Variants in HES4 observed in about 807,000 individuals in gnomAD.
HES4 encodes the protein hes family bHLH transcription factor 4.
A neutral mutation model predicts 10.7 loss-of-function variants in HES4; 17 were observed. The ratio of observed to expected loss-of-function variants is 1.59; its 90% CI spans 1.09 to 2.38. The LOEUF is 2.38. Ranked by LOEUF, HES4 falls within the 30% of genes most tolerant of loss-of-function variation. The pLI is 0.00. For missense variants in HES4, 389 were observed against 332.1 expected, an observed-to-expected ratio of 1.17 and a Z score of -1.33; for synonymous variants, 189 against 159.7, an observed-to-expected ratio of 1.18 and a Z score of -1.38.
At position 999,395 on chromosome 1, in the gene HES4, G is replaced by T; in HGVS notation, c.330C>A (p.Tyr110Ter). 6.6e-7 allele frequency: 1 copy of T among 1,515,340 alleles called. No individual in the cohort carries two copies. Among genetic ancestry groups the T allele is most frequent in the Non-Finnish European group, 8.7e-7 (1 of 1,144,940 alleles). The allele number at this position is 1,515,340 out of a possible 1,614,324, so 93.9% of individuals were successfully genotyped here. The change falls in exon 4 of 4, where the codon TAC becomes TAA. Residue 110 changes from tyrosine (Y) to a stop codon, truncating the protein, a stop_gained. Transcript: ENST00000304952. LOFTEE classifies it low-confidence loss of function (END_TRUNC). ...LSADPAVLGK[Y>*]RAGFHECLAE... is the part of the protein sequence containing the mutation. ...CCAGACACTCGTGGAAGCCGGCGCG[G>T]TACTTGCCCAGAACGGCGGGGTCGG...
Position 999,116 on chromosome 1 carries a change from G to A in HES4, c.609C>T (p.Ala203=). 2 of 1,215,034 alleles carry A rather than the reference G, an allele frequency of 1.6e-6. No individual in the cohort carries two copies. The highest frequency in any genetic ancestry group is 2.0e-6 in the Non-Finnish European group (2 of 977,384). 75.3% of individuals were successfully genotyped at this position (1,215,034 alleles called of 1,614,324 possible). A position where few individuals can be genotyped will look rare whatever the true frequency, so the allele number is the denominator to read the frequency against. The change falls in exon 4 of 4, where the codon GCC becomes GCT. Residue 203 remains alanine (A), a synonymous_variant. Coordinates refer to ENST00000304952, the MANE Select transcript of HES4 (RefSeq NM_021170.4). Reference sequence around the variant, plus strand: ...GGCCCTGCGGCCCCGCCCTGGGGGCGGCGGGCAGCGCCCGGGTCAGACCCG... The same window carrying A: ...GGCCCTGCGGCCCCGCCCTGGGGGCAGCGGGCAGCGCCCGGGTCAGACCCG... ...LLPGLTRALP[A]APRAGPQGPG...
Position 999,308 on chromosome 1 carries a change from C to A in HES4, c.417G>T (p.Leu139=). ...GCAGGCAGGCTGCCAGGTGGCCCAG[C>A]AGGCGGGAGCGCACGTCGGCCGGGA... The part of the protein sequence containing the change: ...EGVPADVRSR[L]LGHLAACLRQ... The change falls in exon 4 of 4, where the codon CTG becomes CTT. Residue 139 remains leucine (L), a synonymous_variant. Transcript: ENST00000304952. 6.8e-7 allele frequency: 1 copy of A among 1,472,884 alleles called. No homozygotes were observed. 91.2% of individuals were successfully genotyped at this position (1,472,884 alleles called of 1,614,324 possible).
rs542554318 is a variant in HES4 at position 999,003 on chromosome 1, A to G, written c.*56T>C. ...CGTTTTCTCTGCTACAGTCTCGGCA[A>G]AGGCCACGGCCCTAGAACGGGGCGC... On this transcript the variant is annotated 3_prime_UTR_variant, in exon 4 of 4. Coordinates refer to ENST00000304952, the MANE Select transcript of HES4 (RefSeq NM_021170.4). 1.4e-4 allele frequency: 169 copies of G among 1,247,304 alleles called. No individual in the cohort carries two copies. In the African/African-American group the frequency reaches 2.4e-3, roughly 18 times the overall value. The allele number at this position is 1,247,304 out of a possible 1,614,324, so 77.3% of individuals were successfully genotyped here.
At position 999,163 on chromosome 1, in the gene HES4, G is replaced by C; in HGVS notation, c.562C>G (p.Leu188Val). 1 of 1,241,174 alleles carries C rather than the reference G, an allele frequency of 8.1e-7. No individual in the cohort carries two copies. Among genetic ancestry groups the C allele is most frequent in the Non-Finnish European group, 1.0e-6 (1 of 995,476 alleles). 76.9% of individuals were successfully genotyped at this position (1,241,174 alleles called of 1,614,324 possible). Residue 188 changes from leucine (L) to valine (V), a missense_variant, in exon 4 of 4, where the codon CTG becomes GTG. By Grantham distance (32) the Leu-to-Val change is conservative. Transcript: ENST00000304952. Reference sequence around the variant, plus strand: ...CCCGGCAGCAGCGGCGGCGCGAGCAGAGGGAAGGGGCCGCCGAGCGATGGC... The same window carrying C: ...CCCGGCAGCAGCGGCGGCGCGAGCACAGGGAAGGGGCCGCCGAGCGATGGC... The part of the protein sequence containing the change: ...LLPSLGGPFP[L>V]LAPPLLPGLT...
chr1:999,108 C>G lies in HES4; in HGVS notation c.617G>C (p.Arg206Thr), dbSNP rs746659312. Residue 206 changes from arginine to threonine, a missense_variant, in exon 4 of 4, where the codon AGG becomes ACG. Arg to Thr is a moderately conservative substitution (Grantham distance 71, BLOSUM62 -1). Coordinates refer to ENST00000304952, the MANE Select transcript of HES4 (RefSeq NM_021170.4). ...CCCACCCGGGCCCTGCGGCCCCGCC[C>G]TGGGGGCGGCGGGCAGCGCCCGGGT... is the stretch of plus-strand genomic sequence containing the variant. Reference protein sequence around the residue: ...GLTRALPAAPRAGPQGPGGPW... With the variant: ...GLTRALPAAPTAGPQGPGGPW... 8.2e-4 allele frequency: 996 copies of G among 1,217,458 alleles called. 1 individual carries two copies. The highest frequency in any genetic ancestry group is 9.4e-4 in the Non-Finnish European group (921 of 978,730). 75.4% of individuals were successfully genotyped at this position (1,217,458 alleles called of 1,614,324 possible).
rs1557668155 is a variant in HES4 at position 999,603 on chromosome 1, T to G, written c.215A>C (p.His72Pro). Reference sequence around the variant, plus strand: ...GATGTCCGCCTTCTCCAGCTTCGAGTGGCGGGAGCTCTGGGGGCGGGGATA... The same window carrying G: ...GATGTCCGCCTTCTCCAGCTTCGAGGGGCGGGAGCTCTGGGGGCGGGGATA... ...LDALRKESSRHSKLEKADILE... is the reference protein window; with the variant it reads ...LDALRKESSRPSKLEKADILE... The change falls in exon 3 of 4, where the codon CAC becomes CCC. Residue 72 changes from histidine (H) to proline (P), a missense_variant. Physicochemically the swap from His to Pro is moderately conservative, Grantham distance 77 (BLOSUM62 -2). Transcript: ENST00000304952. The G allele has an allele frequency of 1.9e-6, 3 of 1,607,506 alleles. No homozygotes were observed. The highest frequency in any genetic ancestry group is 2.5e-6 in the Non-Finnish European group (3 of 1,177,944).
In HES4 at chr1:999,278, C is replaced by T; in HGVS notation, c.447G>A (p.Gln149=). The T allele has an allele frequency of 4.8e-6, 7 of 1,452,812 alleles. No individual in the cohort carries two copies. The highest frequency in any genetic ancestry group is 6.3e-6 in the Non-Finnish European group (7 of 1,107,534). 90.0% of individuals were successfully genotyped at this position (1,452,812 alleles called of 1,614,324 possible). A position where few individuals can be genotyped will look rare whatever the true frequency, so the allele number is the denominator to read the frequency against. The change falls in exon 4 of 4, where the codon CAG becomes CAA. Residue 149 remains glutamine, a synonymous_variant. Transcript: ENST00000304952. ...LLGHLAACLR[Q]LGPSRRPASL... is the part of the protein sequence containing the mutation. The stretch of plus-strand genomic sequence containing the variant: ...AGGCCGGGCGGCGGGAGGGTCCCAG[C>T]TGGCGCAGGCAGGCTGCCAGGTGGC...
rs756297814 is a variant in HES4, at chr1:999,599, C to T, written c.219G>A (p.Ser73=). The T allele has an allele frequency of 2.5e-6, 4 of 1,608,946 alleles. No individual in the cohort carries two copies. Among genetic ancestry groups the T allele is most frequent in the Non-Finnish European group, 2.5e-6 (3 of 1,178,386 alleles). Residue 73 remains serine, a synonymous_variant, in exon 3 of 4, where the codon TCG becomes TCA. Coordinates refer to ENST00000304952, the MANE Select transcript of HES4 (RefSeq NM_021170.4). The part of the protein sequence containing the change: ...DALRKESSRH[S]KLEKADILEM... The stretch of plus-strand genomic sequence containing the variant: ...CCAGGATGTCCGCCTTCTCCAGCTT[C>T]GAGTGGCGGGAGCTCTGGGGGCGGG...
At position 998,987 on chromosome 1, in the gene HES4, T is replaced by C. The variant is rs972094085; in HGVS notation, c.*72A>G. The C allele has an allele frequency of 7.7e-5, 91 of 1,188,068 alleles. No homozygotes were observed. The highest frequency in any genetic ancestry group is 9.4e-5 in the Non-Finnish European group (88 of 935,882). The allele number at this position is 1,188,068 out of a possible 1,614,324, so 73.6% of individuals were successfully genotyped here. On this transcript the variant is annotated 3_prime_UTR_variant, in exon 4 of 4. Coordinates refer to ENST00000304952, the MANE Select transcript of HES4 (RefSeq NM_021170.4). The stretch of plus-strand genomic sequence containing the variant: ...TCTGGAATAATAAATACGTTTTCTC[T>C]GCTACAGTCTCGGCAAAGGCCACGG...
chr1:1,000,013 G>T lies in HES4; in HGVS notation c.-40C>A. ...CTCCCCGTGCCGGGTGGAGCGCGCC[G>T]CCACGGACCACGGGCGGGCTGGCGG... On this transcript the variant is annotated 5_prime_UTR_variant, in exon 1 of 4. Coordinates refer to ENST00000304952, the MANE Select transcript of HES4 (RefSeq NM_021170.4). The T allele has an allele frequency of 7.6e-7, 1 of 1,314,478 alleles. No individual in the cohort carries two copies. The highest frequency in any genetic ancestry group is 9.6e-7 in the Non-Finnish European group (1 of 1,037,014). The allele number at this position is 1,314,478 out of a possible 1,614,324, so 81.4% of individuals were successfully genotyped here. A position where few individuals can be genotyped will look rare whatever the true frequency, so the allele number is the denominator to read the frequency against.
rs1211855124 is a variant in HES4 at position 999,692 on chromosome 1, C to T, written c.204G>A (p.Glu68=). The change falls in exon 2 of 4, where the codon GAG becomes GAA. Residue 68 remains glutamate (E), a splice_region_variant and synonymous_variant. Transcript: ENST00000304952. ...TCTCGGGCCTTCGCCCCCGACTTAC[C>T]TCTTTTCTGAGGGCGTCCAGGATGA... The part of the protein sequence containing the change: ...KTLILDALRK[E]SSRHSKLEKA... The T allele has an allele frequency of 3.7e-6, 6 of 1,611,582 alleles. No homozygotes were observed. The African/African-American group carries it at 4.0e-5, about 11-fold the overall frequency.
Position 1,000,044 on chromosome 1 carries a change from C to T in HES4, c.-71G>A. 7 of 1,173,250 alleles carry T rather than the reference C, an allele frequency of 6.0e-6. No individual in the cohort carries two copies. The highest frequency in any genetic ancestry group is 7.4e-6 in the Non-Finnish European group (7 of 949,240). 72.7% of individuals were successfully genotyped at this position (1,173,250 alleles called of 1,614,324 possible). ...GACCACGGGCGGGCTGGCGGGCGAG[C>T]GGCGAGCGCGCGGCGATCCGAGCCC... is the stretch of plus-strand genomic sequence containing the variant. On this transcript the variant is annotated 5_prime_UTR_variant, in exon 1 of 4. Transcript: ENST00000304952.
chr1:1,000,013 G>A lies in HES4; in HGVS notation c.-40C>T, dbSNP rs1194229032. 2.3e-6 allele frequency: 3 copies of A among 1,314,366 alleles called. No homozygotes were observed. Among genetic ancestry groups the A allele is most frequent in the South Asian group, 2.1e-5 (1 of 48,766 alleles). 81.4% of individuals were successfully genotyped at this position (1,314,366 alleles called of 1,614,324 possible). Reference sequence around the variant, plus strand: ...CTCCCCGTGCCGGGTGGAGCGCGCCGCCACGGACCACGGGCGGGCTGGCGG... The same window carrying A: ...CTCCCCGTGCCGGGTGGAGCGCGCCACCACGGACCACGGGCGGGCTGGCGG... On this transcript the variant is annotated 5_prime_UTR_variant, in exon 1 of 4. Transcript: ENST00000304952.
Position 999,075 on chromosome 1 carries a change from C to T in HES4, c.650G>A (p.Arg217Lys), listed in dbSNP as rs546578988. Residue 217 changes from arginine to lysine, a missense_variant, in exon 4 of 4, where the codon AGG becomes AAG. By Grantham distance (26) the Arg-to-Lys change is conservative. Transcript: ENST00000304952. ...GCCACAGCCTCAGCGCAGCCACGGC[C>T]TCCAGGGCCCACCCGGGCCCTGCGG... ...AGPQGPGGPW[R>K]PWLR 3.2e-6 allele frequency: 4 copies of T among 1,252,202 alleles called. No individual in the cohort carries two copies. The South Asian group carries it at 1.4e-4, about 45-fold the overall frequency. 77.6% of individuals were successfully genotyped at this position (1,252,202 alleles called of 1,614,324 possible).
In HES4 at chr1:998,978, C is replaced by T; in HGVS notation, c.*81G>A. The T allele has an allele frequency of 8.7e-7, 1 of 1,150,592 alleles. No individual in the cohort carries two copies. Among genetic ancestry groups the T allele is most frequent in the Admixed American group, 3.3e-5 (1 of 30,442 alleles). 71.3% of individuals were successfully genotyped at this position (1,150,592 alleles called of 1,614,324 possible). A position where few individuals can be genotyped will look rare whatever the true frequency, so the allele number is the denominator to read the frequency against. ...GACGCAGACTCTGGAATAATAAATACGTTTTCTCTGCTACAGTCTCGGCAA... is the reference window on the plus strand; with the variant it reads ...GACGCAGACTCTGGAATAATAAATATGTTTTCTCTGCTACAGTCTCGGCAA... On this transcript the variant is annotated 3_prime_UTR_variant, in exon 4 of 4. Coordinates refer to ENST00000304952, the MANE Select transcript of HES4 (RefSeq NM_021170.4).
At position 1,000,081 on chromosome 1, in the gene HES4, C is replaced by G. The variant is rs1432470635; in HGVS notation, c.-108G>C. 3 of 949,288 alleles carry G rather than the reference C, an allele frequency of 3.2e-6. No individual in the cohort carries two copies. The highest frequency in any genetic ancestry group is 3.4e-5 in the African/African-American group (2 of 57,978). The allele number at this position is 949,288 out of a possible 1,614,324, so 58.8% of individuals were successfully genotyped here. A position where few individuals can be genotyped will look rare whatever the true frequency, so the allele number is the denominator to read the frequency against. The stretch of plus-strand genomic sequence containing the variant: ...GGCGATCCGAGCCCCTAGGGCGGAT[C>G]CCGGCTCCAGGCCCGCGCGCGCCTC... On this transcript the variant is annotated 5_prime_UTR_variant, in exon 1 of 4. Coordinates refer to ENST00000304952, the MANE Select transcript of HES4 (RefSeq NM_021170.4).
chr1:1,000,035 G>C lies in HES4; in HGVS notation c.-62C>G. ...GCCGCCACGGACCACGGGCGGGCTG[G>C]CGGGCGAGCGGCGAGCGCGCGGCGA... On this transcript the variant is annotated 5_prime_UTR_variant, in exon 1 of 4. Coordinates refer to ENST00000304952, the MANE Select transcript of HES4 (RefSeq NM_021170.4). 1 of 1,195,994 alleles carries C rather than the reference G, an allele frequency of 8.4e-7. No individual in the cohort carries two copies. Among genetic ancestry groups the C allele is most frequent in the Non-Finnish European group, 1.0e-6 (1 of 966,282 alleles). 74.1% of individuals were successfully genotyped at this position (1,195,994 alleles called of 1,614,324 possible). A position where few individuals can be genotyped will look rare whatever the true frequency, so the allele number is the denominator to read the frequency against.
rs772466156 is a variant in HES4, at chr1:999,813, C to T, written c.109-26G>A. The T allele has an allele frequency of 1.5e-5, 24 of 1,606,982 alleles. No individual in the cohort carries two copies. Among genetic ancestry groups the T allele is most frequent in the South Asian group, 6.6e-5 (6 of 90,300 alleles). ...CTGCGGGTCGGGCACCGGCTGAGTC[C>T]CGCGTCCCTCCCGCCCCCCGGTCGC... On this transcript the variant is annotated intron_variant, in intron 1 of 3. Transcript: ENST00000304952.
chr1:999,428 C>T lies in HES4; in HGVS notation c.297G>A (p.Ala99=), dbSNP rs1372782258. 1.3e-6 allele frequency: 2 copies of T among 1,504,794 alleles called. No homozygotes were observed. Among genetic ancestry groups the T allele is most frequent in the African/African-American group, 1.4e-5 (1 of 69,288 alleles). 93.2% of individuals were successfully genotyped at this position (1,504,794 alleles called of 1,614,324 possible). Residue 99 remains alanine, a synonymous_variant, in exon 4 of 4, where the codon GCG becomes GCA. Coordinates refer to ENST00000304952, the MANE Select transcript of HES4 (RefSeq NM_021170.4). ...CCAGAACGGCGGGGTCGGCGCTGAG[C>T]GCGGCTGCGGGAGCGACACAGGAGG... The part of the protein sequence containing the change: ...RSLRRVQVTA[A]LSADPAVLGK...
Sources: allele counts gnomAD v4.1 joint callset, GRCh38; gene constraint gnomAD v4.1.1; transcripts MANE v1.5; gene names NCBI Gene and HGNC (gene_info 2026-07-23, HGNC 2026-07-21).